KCNMA1: variants seen among roughly 807,000 people sequenced by gnomAD.
The protein encoded by KCNMA1 is potassium calcium-activated channel subfamily M alpha 1.
Under a neutral mutation model 140.0 loss-of-function variants are expected in KCNMA1, and 29 were observed. That is an observed-to-expected ratio of 0.21 (90% CI 0.15 to 0.28). The LOEUF (loss-of-function observed/expected upper bound fraction) is 0.28, where lower values mean the gene tolerates loss of function less well. Among genes scored for constraint, KCNMA1 ranks in the 10% least tolerant of loss-of-function variants. The pLI, the probability that KCNMA1 is intolerant of heterozygous loss-of-function variation, is 1.00. For synonymous variants in KCNMA1, 612 were observed against 611.9 expected (o/e 1.00, Z 0.00); for missense variants, 880 against 1,602.2 (o/e 0.55, Z 7.70).
chr10:77,028,031 AG>A (rs1228325168), intron 15 of KCNMA1, 140 bp from the exon 16 acceptor site: 11 of 773,246 alleles, frequency 1.4e-5, no homozygotes, highest in Non-Finnish European at 2.5e-5. Flanking sequence ...TGCCAAAGGG[AG>A]GGGGTGGAAG....
At chr10:77,142,401 G>A (rs2098197598) in intron 5 of KCNMA1, among the ~76,000 whole-genome samples, 1 of 151,382 alleles carries the variant, frequency 6.6e-6, no homozygotes, top group Admixed American at 6.6e-5. Context: ...AAGAAAAAAA[G>A]AAAACAAAAA....
At chr10:77,361,412 G>C (rs2093937505) in intron 2 of KCNMA1, among the ~76,000 whole-genome samples, 1 of 152,264 alleles carries the variant, frequency 6.6e-6, no homozygotes, top group East Asian at 1.9e-4. Context: ...GCCCAAACAG[G>C]GACTTCCTCC....
intron 1 of KCNMA1, among the ~76,000 whole-genome samples, chr10:77,566,003 T>C (rs1460390470): frequency 6.9e-6 from 1 of 144,268 alleles, no homozygotes. Flanking sequence ...CGGAATATTC[T>C]CTCCCCTAAA....
At chr10:76,902,568 T>G (rs74139853) in intron 25 of KCNMA1, 1 of 152,074 alleles carries the variant, frequency 6.6e-6, no homozygotes, top group Non-Finnish European at 1.5e-5. Flanking sequence ...GGAACCCGCA[T>G]AGTCTAAGGA....
chr10:77,300,938 C>A (rs2076392161), intron 2 of KCNMA1, among the ~76,000 whole-genome samples: 1 of 152,196 alleles, frequency 6.6e-6, no homozygotes, highest in African/African-American at 2.4e-5. Context: ...CCCACAGGTT[C>A]TGATTCCATT....
chr10:76,915,733 G>C lies in KCNMA1; in HGVS notation c.2903-684C>G, dbSNP rs181220908. ...AGTGACTTAGGCCTCAGTTTTCACAGAGTTCTGGCCAATGGGAGGTGTCAG... is the reference window on the plus strand; with the variant it reads ...AGTGACTTAGGCCTCAGTTTTCACACAGTTCTGGCCAATGGGAGGTGTCAG... On this transcript the variant is annotated intron_variant, in intron 23 of 27. Coordinates refer to ENST00000286628, the MANE Select transcript of KCNMA1 (RefSeq NM_001161352.2). Among the ~76,000 whole-genome samples the C allele has an allele frequency of 2.1e-4, 32 of 152,292 alleles. No homozygotes were observed. In the East Asian group the frequency reaches 6.0e-3, roughly 29 times the overall value.
intron 3 of KCNMA1, among the ~76,000 whole-genome samples, chr10:77,187,358 T>C (rs2098877376): frequency 6.6e-6 from 1 of 152,188 alleles, no homozygotes; most frequent in Non-Finnish European, 1.5e-5. Flanking sequence ...ATGCTTATGT[T>C]CAATGGCCAC....
intron 1 of KCNMA1, among the ~76,000 whole-genome samples, chr10:77,596,737 A>G (rs2081054504): frequency 6.6e-6 from 1 of 152,232 alleles, no homozygotes; most frequent in African/African-American, 2.4e-5. Context: ...TAATGCAAAT[A>G]ACACAGCAAC....
intron 2 of KCNMA1, among the ~76,000 whole-genome samples, chr10:77,327,669 T>C (rs2084716531): frequency 6.6e-6 from 1 of 152,012 alleles, no homozygotes; most frequent in Non-Finnish European, 1.5e-5. Flanking sequence ...TCAAATCTTA[T>C]CAAGTATCAA....
chr10:77,041,159 T>C (rs1235802309), intron 14 of KCNMA1, among the ~76,000 whole-genome samples: 2 of 1,626 alleles, frequency 1.2e-3, no homozygotes, highest in East Asian at 5.2e-3. Context: ...TTCTTTTTTT[T>C]TTTTTTTTTT....
intron 5 of KCNMA1, among the ~76,000 whole-genome samples, chr10:77,152,903 G>A (rs1000252355): frequency 2.0e-5 from 3 of 152,130 alleles, no homozygotes; most frequent in Non-Finnish European, 2.9e-5. Flanking sequence ...GACTGATTGC[G>A]ACCCTGCACA....
chr10:77,383,215 G>A (rs546539850), intron 2 of KCNMA1, among the ~76,000 whole-genome samples: 1 of 151,830 alleles, frequency 6.6e-6, no homozygotes, highest in East Asian at 1.9e-4. Context: ...AACTGATGCT[G>A]GCCCCACTCC....
intron 3 of KCNMA1, chr10:77,249,642 T>C (rs757041819): frequency 6.6e-6 from 1 of 152,218 alleles, no homozygotes; most frequent in Non-Finnish European, 1.5e-5. Flanking sequence ...AGCATGGAAG[T>C]TGGCAGGGTC....
chr10:76,897,047 C>CAA (rs1554880765), intron 25 of KCNMA1, among the ~76,000 whole-genome samples: 8 of 145,894 alleles, frequency 5.5e-5, no homozygotes, highest in Non-Finnish European at 1.1e-4. Flanking sequence ...CACACACACA[C>CAA]AATTAGTGAT....
At chr10:77,439,142 G>GAAGAGAAGAAAAGAGAAGAA (rs2097336192) in intron 1 of KCNMA1, among the ~76,000 whole-genome samples, 1 of 132,712 alleles carries the variant, frequency 7.5e-6, no homozygotes, top group East Asian at 2.3e-4. Context: ...GAAGAGAAGA[G>GAAGAGAAGAAAAGAGAAGAA]AAGAGAAAAG....
intron 14 of KCNMA1, among the ~76,000 whole-genome samples, chr10:77,059,059 G>C (rs999806940): frequency 6.6e-6 from 1 of 151,700 alleles, no homozygotes; most frequent in Non-Finnish European, 1.5e-5. Flanking sequence ...ACAATAATGG[G>C]ATACTATGAA....
chr10:76,939,090 A>T (rs913216210), intron 23 of KCNMA1: 2 of 149,212 alleles, frequency 1.3e-5, no homozygotes, highest in Admixed American at 6.7e-5. Flanking sequence ...CATTCAAGTC[A>T]TCCACAGATG....
chr10:77,557,126 C>A (rs1298031270), intron 1 of KCNMA1, among the ~76,000 whole-genome samples: 1 of 152,202 alleles, frequency 6.6e-6, no homozygotes, highest in East Asian at 1.9e-4. Flanking sequence ...AGGAAGAATG[C>A]AAGGAAATTA....
At chr10:77,012,528 G>A (rs551779917) in intron 17 of KCNMA1, 10 of 1,550,052 alleles carry the variant, frequency 6.5e-6, no homozygotes, top group Non-Finnish European at 7.8e-6. Flanking sequence ...CCTTTTCTGG[G>A]CAGCCAAAGG....
Sources: allele counts gnomAD v4.1 joint callset (sites outside exome capture counted in the v4.1 genomes callset), GRCh38; gene constraint gnomAD v4.1.1; transcripts MANE v1.5; gene names NCBI Gene and HGNC (gene_info 2026-07-23, HGNC 2026-07-21).